The following ZFHX3 variants were observed in gnomAD, a reference collection of about 807,000 sequenced individuals.
ZFHX3 encodes zinc finger homeobox protein 3.
Under a neutral mutation model 279.1 loss-of-function variants are expected in ZFHX3, and 42 were observed. That is an observed-to-expected ratio of 0.15 (90% CI 0.12 to 0.19). The LOEUF (loss-of-function observed/expected upper bound fraction) is 0.19. ZFHX3 is among the 10% of genes least tolerant of loss of function. The pLI is 1.00. For missense variants in ZFHX3, 4,981 were observed against 4,754.0 expected, an observed-to-expected ratio of 1.05 and a Z score of -1.40; for synonymous variants, 2,293 against 1,957.8, an observed-to-expected ratio of 1.17 and a Z score of -4.52.
chr16:73,779,945 C>CTGACCTCA (rs902043062), intron 1 of ZFHX3, among the ~76,000 whole-genome samples: 2 of 151,730 alleles, frequency 1.3e-5, no homozygotes, highest in Admixed American at 1.3e-4. Flanking sequence ...TTTTGATCTC[C>CTGACCTCA]TGACCTCATG....
At chr16:73,057,859 C>T (rs1379899826) in intron 1 of ZFHX3, among the ~76,000 whole-genome samples, 1 of 150,060 alleles carries the variant, frequency 6.7e-6, no homozygotes, top group Non-Finnish European at 1.5e-5. Context: ...GCTCGCCCGG[C>T]CAGCGGTGGC....
At chr16:73,265,647 T>C (rs1246183429) in intron 4 of ZFHX3, among the ~76,000 whole-genome samples, 2 of 152,176 alleles carry the variant, frequency 1.3e-5, no homozygotes, top group Non-Finnish European at 2.9e-5. Context: ...ATCTGTGTCA[T>C]CGCCTGGAAA....
intron 3 of ZFHX3, among the ~76,000 whole-genome samples, chr16:72,908,652 C>G (rs1028704953): frequency 2.0e-5 from 3 of 152,182 alleles, no homozygotes; most frequent in Admixed American, 6.5e-5. Context: ...ATCCCCAATG[C>G]CAACATGACT....
intron 2 of ZFHX3, among the ~76,000 whole-genome samples, chr16:73,545,841 C>G (rs1246522728): frequency 6.6e-6 from 1 of 151,912 alleles, no homozygotes; most frequent in Admixed American, 6.6e-5. Context: ...AAACTGCAGC[C>G]CAGCAGATCC....
chr16:73,725,791 A>C (rs939515161), intron 1 of ZFHX3, among the ~76,000 whole-genome samples: 1 of 152,136 alleles, frequency 6.6e-6, no homozygotes, highest in Non-Finnish European at 1.5e-5. Flanking sequence ...TGAGAGATTC[A>C]AGTTACAAAA....
chr16:72,897,911 C>T (rs1310983268), intron 3 of ZFHX3, among the ~76,000 whole-genome samples: 1 of 152,188 alleles, frequency 6.6e-6, no homozygotes, highest in Non-Finnish European at 1.5e-5. Context: ...ACCAAGTCCA[C>T]AGCCGCCAAG....
intron 1 of ZFHX3, among the ~76,000 whole-genome samples, chr16:73,046,129 G>C (rs1965292088): frequency 6.6e-6 from 1 of 152,086 alleles, no homozygotes; most frequent in African/African-American, 2.4e-5. Context: ...TCTCTGAAAG[G>C]GTGCCTGCAG....
At chr16:73,519,398 A>C (rs545845675) in intron 2 of ZFHX3, among the ~76,000 whole-genome samples, 4 of 152,116 alleles carry the variant, frequency 2.6e-5, no homozygotes, top group African/African-American at 9.6e-5. Flanking sequence ...TTTATTTATC[A>C]ATTATTATCT....
intron 2 of ZFHX3, among the ~76,000 whole-genome samples, chr16:73,531,932 T>A (rs1472660880): frequency 6.6e-6 from 1 of 151,536 alleles, no homozygotes; most frequent in South Asian, 2.1e-4. Flanking sequence ...CTATAAAAAA[T>A]TTAAAAATTG....
At chr16:72,920,370 G>C (rs113473692) in intron 3 of ZFHX3, among the ~76,000 whole-genome samples, 62 of 152,112 alleles carry the variant, frequency 4.1e-4, no homozygotes, top group African/African-American at 1.4e-3. Flanking sequence ...ATTATGATTA[G>C]GAATATAATC....
chr16:72,871,789 AT>A (rs902901044), intron 4 of ZFHX3, among the ~76,000 whole-genome samples: 7 of 145,396 alleles, frequency 4.8e-5, no homozygotes, highest in Non-Finnish European at 9.1e-5. Flanking sequence ...AATTTTAAAA[AT>A]TTTTTAAGGA....
intron 5 of ZFHX3, among the ~76,000 whole-genome samples, chr16:73,217,072 T>C (rs1480937333): frequency 6.6e-6 from 1 of 152,232 alleles, no homozygotes; most frequent in Non-Finnish European, 1.5e-5. Context: ...AGTTTGATTT[T>C]CCCAGTTGAT....
chr16:73,633,074 G>A lies in ZFHX3; in HGVS notation c.-1547+47106C>T, dbSNP rs150944405. On this transcript the variant is annotated intron_variant, in intron 2 of 17. Coordinates refer to the ZFHX3 transcript ENST00000641206. The stretch of plus-strand genomic sequence containing the variant: ...AGGCTGGACAACAAAGCGAGACTCC[G>A]TCTCAAAAAGAAAAAAAATAAGAAA... Among the ~76,000 whole-genome samples, 642 of 152,278 alleles carry A rather than the reference G, an allele frequency of 4.2e-3. 6 individuals are homozygous for A. The highest frequency in any genetic ancestry group is 0.014 in the African/African-American group (597 of 41,560).
intron 5 of ZFHX3, among the ~76,000 whole-genome samples, chr16:73,203,884 G>A (rs1477110897): frequency 6.6e-6 from 1 of 152,172 alleles, no homozygotes; most frequent in African/African-American, 2.4e-5. Context: ...GGTCTGGTGA[G>A]TTTCAGACTG....
At chr16:73,449,393 G>T (rs1198811229) in intron 3 of ZFHX3, among the ~76,000 whole-genome samples, 1 of 152,148 alleles carries the variant, frequency 6.6e-6, no homozygotes, top group African/African-American at 2.4e-5. Flanking sequence ...TGGGCATAGT[G>T]GTTTGTGGCT....
intron 3 of ZFHX3, among the ~76,000 whole-genome samples, chr16:72,942,676 A>T (rs537438705): frequency 6.6e-6 from 1 of 152,174 alleles, no homozygotes; most frequent in Non-Finnish European, 1.5e-5. Flanking sequence ...CATGAAATTT[A>T]TATGCTATTT....
At chr16:72,792,802 G>T (rs1215926856) in intron 9 of ZFHX3, among the ~76,000 whole-genome samples, 1 of 152,140 alleles carries the variant, frequency 6.6e-6, no homozygotes, top group Non-Finnish European at 1.5e-5. Flanking sequence ...AGGGACCCCA[G>T]GTGAGGGCAA....
chr16:73,609,975 G>A (rs1422313083), intron 2 of ZFHX3: 1 of 152,066 alleles, frequency 6.6e-6, no homozygotes, highest in Non-Finnish European at 1.5e-5. Context: ...TGGGTGGTGG[G>A]GACAGTCAGG....
chr16:73,392,275 G>A (rs1260338121), intron 3 of ZFHX3, among the ~76,000 whole-genome samples: 1 of 151,756 alleles, frequency 6.6e-6, no homozygotes, highest in African/African-American at 2.4e-5. Flanking sequence ...ACAAAAATCA[G>A]CTGGGTGTGG....
Sources: gnomAD v4.1 joint callset for allele counts (sites outside exome capture counted in the v4.1 genomes callset) on GRCh38, gnomAD v4.1.1 for gene constraint, MANE v1.5 for transcripts, NCBI Gene and HGNC (gene_info 2026-07-23, HGNC 2026-07-21) for gene names.